CDH13: variants seen among roughly 807,000 people sequenced by gnomAD.
The protein encoded by CDH13 is cadherin 13, also known as cadherin-13.
Under a neutral mutation model 63.8 loss-of-function variants are expected in CDH13, and 24 were observed. The observed-to-expected ratio is 0.38, with a 90% CI of 0.27 to 0.53. CDH13 has a LOEUF of 0.53. Among genes scored for constraint, CDH13 ranks in the 20% least tolerant of loss-of-function variants. The pLI is 0.85. For missense variants in CDH13, 1,049 were observed against 903.1 expected (o/e 1.16, Z -2.07); for synonymous variants, 503 against 355.3 (o/e 1.42, Z -4.67).
At chr16:83,613,631 C>T (rs1015157834) in intron 8 of CDH13, among the ~76,000 whole-genome samples, 3 of 151,996 alleles carry the variant, frequency 2.0e-5, no homozygotes, top group African/African-American at 7.2e-5. Context: ...AGGAGTTCAA[C>T]ACCAGCCTGG....
At chr16:83,443,535 A>C (rs1299523820) in intron 6 of CDH13, among the ~76,000 whole-genome samples, 1 of 151,958 alleles carries the variant, frequency 6.6e-6, no homozygotes, top group East Asian at 1.9e-4. Context: ...TCAGGAATTC[A>C]AGATTATCAT....
At chr16:83,154,128 A>G (rs1418651394) in intron 4 of CDH13, among the ~76,000 whole-genome samples, 2 of 152,066 alleles carry the variant, frequency 1.3e-5, no homozygotes, top group Non-Finnish European at 2.9e-5. Flanking sequence ...GAGAAATGGG[A>G]GCTTTAAAGA....
intron 6 of CDH13, among the ~76,000 whole-genome samples, chr16:83,412,941 A>G (rs1471605585): frequency 6.6e-6 from 1 of 152,212 alleles, no homozygotes; most frequent in East Asian, 1.9e-4. Flanking sequence ...TTGTATTACC[A>G]TTAGACGTAA....
intron 2 of CDH13, among the ~76,000 whole-genome samples, chr16:82,986,031 C>T (rs569171209): frequency 5.3e-5 from 8 of 152,158 alleles, no homozygotes; most frequent in Non-Finnish European, 1.0e-4. Context: ...GAGCCAATTA[C>T]ACCTTTCTTC....
chr16:82,650,539 C>A (rs938330888), intron 1 of CDH13, among the ~76,000 whole-genome samples: 11 of 152,188 alleles, frequency 7.2e-5, no homozygotes, highest in African/African-American at 2.7e-4. Flanking sequence ...TGAGTGCAAC[C>A]CCTACCCTAT....
chr16:83,487,456 C>T (rs910070024), intron 7 of CDH13, among the ~76,000 whole-genome samples: 5 of 152,176 alleles, frequency 3.3e-5, no homozygotes, highest in Non-Finnish European at 7.3e-5. Flanking sequence ...TTAGATGGGA[C>T]ATGTGCTCCC....
chr16:83,336,388 C>T (rs911160867), intron 5 of CDH13, among the ~76,000 whole-genome samples: 2 of 151,590 alleles, frequency 1.3e-5, no homozygotes, highest in Non-Finnish European at 2.9e-5. Flanking sequence ...ATAGAAGTTT[C>T]TGAAGAGGTA....
chr16:83,174,785 A>G (rs2038060713), intron 4 of CDH13, among the ~76,000 whole-genome samples: 1 of 152,138 alleles, frequency 6.6e-6, no homozygotes, highest in African/African-American at 2.4e-5. Flanking sequence ...GAAACTTAAC[A>G]ATCATGGCAG....
At chr16:82,972,126 T>C (rs1235697680) in intron 2 of CDH13, among the ~76,000 whole-genome samples, 1 of 151,890 alleles carries the variant, frequency 6.6e-6, no homozygotes, top group African/African-American at 2.4e-5. Flanking sequence ...AATCCCAAAA[T>C]TGAAATTTGG....
intron 2 of CDH13, chr16:82,990,436 G>T (rs1377838410): frequency 6.6e-6 from 1 of 152,108 alleles, no homozygotes; most frequent in East Asian, 1.9e-4. Flanking sequence ...TGGGACCTGG[G>T]CCCCTCCTGG....
chr16:83,396,722 C>T (rs1038610600), intron 6 of CDH13: 20 of 150,466 alleles, frequency 1.3e-4, no homozygotes, highest in African/African-American at 4.7e-4. Flanking sequence ...AGATTTAAAG[C>T]CTGGGGCTGC....
At chr16:83,651,811 T>A (rs9938167) in intron 8 of CDH13, among the ~76,000 whole-genome samples, 4 of 152,052 alleles carry the variant, frequency 2.6e-5, no homozygotes, top group Admixed American at 2.6e-4. Context: ...GGCCAGCTGG[T>A]CTCAGACTCC....
chr16:83,627,955 A>G (rs1438339587), intron 8 of CDH13, among the ~76,000 whole-genome samples: 1 of 152,152 alleles, frequency 6.6e-6, no homozygotes, highest in African/African-American at 2.4e-5. Flanking sequence ...GGCTTTTTAG[A>G]CCGTATAGGG....
intron 6 of CDH13, among the ~76,000 whole-genome samples, chr16:83,394,906 G>C (rs1375073805): frequency 6.6e-6 from 1 of 152,126 alleles, no homozygotes; most frequent in Admixed American, 6.5e-5. Flanking sequence ...CCAACACTCT[G>C]GGAGGCCAAG....
intron 1 of CDH13, among the ~76,000 whole-genome samples, chr16:82,744,141 C>A (rs146594239): frequency 1.3e-4 from 20 of 152,292 alleles, no homozygotes; most frequent in South Asian, 4.2e-4. Flanking sequence ...ATTTCCACCC[C>A]CTAGTTCAGT....
At chr16:83,688,985 T>G (rs780607132) in intron 10 of CDH13, among the ~76,000 whole-genome samples, 3 of 152,224 alleles carry the variant, frequency 2.0e-5, no homozygotes, top group Non-Finnish European at 2.9e-5. Flanking sequence ...ATTATTCATG[T>G]CAATTAAAGG....
chr16:83,777,228 C>T lies in CDH13; in HGVS notation c.1682-2740C>T, dbSNP rs1248667741. 2.0e-5 allele frequency among the ~76,000 whole-genome samples: 3 copies of T among 152,206 alleles called. No homozygotes were observed. In the East Asian group the frequency reaches 5.8e-4, roughly 29 times the overall value. On this transcript the variant is annotated intron_variant, in intron 11 of 13. Coordinates refer to ENST00000567109, the MANE Select transcript of CDH13 (RefSeq NM_001257.5). ...GATCAGATTGTTCCTGGATCACTGC[C>T]TTTCCGGAAAGCCTCTGGTGGCCTC...
chr16:83,718,781 CT>C (rs1909286885), intron 10 of CDH13, among the ~76,000 whole-genome samples: 1 of 152,148 alleles, frequency 6.6e-6, no homozygotes, highest in South Asian at 2.1e-4. Flanking sequence ...CAACATTTTC[CT>C]TTTGCTAATC....
At chr16:82,971,514 T>A (rs1908739695) in intron 2 of CDH13, among the ~76,000 whole-genome samples, 1 of 152,218 alleles carries the variant, frequency 6.6e-6, no homozygotes, top group African/African-American at 2.4e-5. Context: ...ATCTACCAAG[T>A]GCATCGAAGA....
Sources: gnomAD v4.1 joint callset for allele counts (sites outside exome capture counted in the v4.1 genomes callset) on GRCh38, gnomAD v4.1.1 for gene constraint, MANE v1.5 for transcripts, NCBI Gene and HGNC (gene_info 2026-07-23, HGNC 2026-07-21) for gene names.